Variants in DGKB observed in about 807,000 individuals in gnomAD.
DGKB encodes 90 kDa diacylglycerol kinase.
In DGKB, 67 loss-of-function variants were observed where a neutral mutation model predicts 114.3. The ratio of observed to expected loss-of-function variants is 0.59; its 90% CI spans 0.48 to 0.72. The LOEUF is 0.72. Ranked by LOEUF, DGKB falls within the 30% of genes least tolerant of loss-of-function variation. The pLI is 0.00. For synonymous variants in DGKB, 398 were observed against 323.1 expected, an observed-to-expected ratio of 1.23 and a Z score of -2.49; for missense variants, 907 against 975.2, an observed-to-expected ratio of 0.93 and a Z score of 0.93.
At chr7:14,324,446 CA>C (rs5882440) in intron 23 of DGKB, among the ~76,000 whole-genome samples, 55 of 118,628 alleles carry the variant, frequency 4.6e-4, no homozygotes, top group East Asian at 1.2e-3. Flanking sequence ...GACTCTGTCT[CA>C]AAAAAAAAAA....
chr7:14,287,453 T>G (rs1387379470), intron 23 of DGKB, among the ~76,000 whole-genome samples: 2 of 152,164 alleles, frequency 1.3e-5, no homozygotes, highest in African/African-American at 4.8e-5. Flanking sequence ...TTCTAAATGA[T>G]TTTCATCATG....
At chr7:14,866,184 C>T (rs939339480) in intron 1 of DGKB, among the ~76,000 whole-genome samples, 29 of 152,232 alleles carry the variant, frequency 1.9e-4, no homozygotes, top group African/African-American at 7.0e-4. Context: ...TGCCCATATA[C>T]ATCCCTAGCT....
At chr7:14,915,749 A>C (rs1413351333) in intron 1 of DGKB, among the ~76,000 whole-genome samples, 1 of 152,150 alleles carries the variant, frequency 6.6e-6, no homozygotes, top group Non-Finnish European at 1.5e-5. Flanking sequence ...GAAGAAATAA[A>C]GACTGTCTCA....
intron 19 of DGKB, among the ~76,000 whole-genome samples, chr7:14,575,382 T>C (rs771669402): frequency 2.9e-4 from 44 of 152,304 alleles, no homozygotes; most frequent in Admixed American, 1.4e-3. Flanking sequence ...ACGGTCAACA[T>C]GACCTGAAAA....
chr7:14,960,953 G>C (rs1342026683), intron 1 of DGKB, among the ~76,000 whole-genome samples: 2 of 152,008 alleles, frequency 1.3e-5, no homozygotes, highest in Non-Finnish European at 2.9e-5. Flanking sequence ...AAACATCAGA[G>C]AACATGACAT....
At chr7:14,513,262 T>C (rs2128547141) in intron 20 of DGKB, among the ~76,000 whole-genome samples, 1 of 152,202 alleles carries the variant, frequency 6.6e-6, no homozygotes, top group East Asian at 1.9e-4. Context: ...TCAGGTGTAT[T>C]ACATATAATT....
At chr7:14,804,681 T>C (rs994694057) in intron 2 of DGKB, among the ~76,000 whole-genome samples, 7 of 152,116 alleles carry the variant, frequency 4.6e-5, no homozygotes, top group African/African-American at 1.7e-4. Flanking sequence ...TGTTGGTATC[T>C]GTTAACTGTT....
chr7:14,896,760 A>G (rs1029808798), intron 1 of DGKB, among the ~76,000 whole-genome samples: 1 of 151,826 alleles, frequency 6.6e-6, no homozygotes, highest in African/African-American at 2.4e-5. Context: ...AATAGTAAGG[A>G]TTTTACATCC....
intron 17 of DGKB, among the ~76,000 whole-genome samples, chr7:14,593,230 G>A (rs1186377010): frequency 6.6e-6 from 1 of 151,934 alleles, no homozygotes; most frequent in African/African-American, 2.4e-5. Context: ...CAGAGAAAGG[G>A]AAAAACACAG....
chr7:14,628,429 T>C (rs1012096021), intron 14 of DGKB, among the ~76,000 whole-genome samples: 1 of 152,092 alleles, frequency 6.6e-6, no homozygotes, highest in Non-Finnish European at 1.5e-5. Flanking sequence ...TCTTCACAGA[T>C]GTTCTTGAGT....
intron 23 of DGKB, among the ~76,000 whole-genome samples, chr7:14,292,880 C>T (rs953338313): frequency 3.9e-5 from 6 of 152,148 alleles, no homozygotes; most frequent in African/African-American, 1.4e-4. Context: ...TTGACCACTA[C>T]CTGTTTCATA....
chr7:14,922,367 G>T (rs1784545064), intron 1 of DGKB, among the ~76,000 whole-genome samples: 2 of 131,976 alleles, frequency 1.5e-5, no homozygotes, highest in Admixed American at 1.6e-4. Context: ...ATATATATGT[G>T]TATCCATCGT....
At chr7:14,242,710 G>A (rs548260289) in intron 23 of DGKB, among the ~76,000 whole-genome samples, 1 of 152,178 alleles carries the variant, frequency 6.6e-6, no homozygotes, top group African/African-American at 2.4e-5. Flanking sequence ...TTTAATTGGT[G>A]TCCTCAGAGC....
At chr7:14,926,384 T>G (rs190782384) in intron 1 of DGKB, among the ~76,000 whole-genome samples, 1 of 152,114 alleles carries the variant, frequency 6.6e-6, no homozygotes, top group Admixed American at 6.5e-5. Context: ...GATTGAATAT[T>G]CGAATGTTTC....
intron 17 of DGKB, among the ~76,000 whole-genome samples, chr7:14,596,831 A>G (rs1454346831): frequency 1.3e-5 from 2 of 152,200 alleles, no homozygotes; most frequent in South Asian, 4.1e-4. Flanking sequence ...TTGCCTCTCT[A>G]TGCATTACTA....
At chr7:14,578,893 C>G (rs963891538) in intron 19 of DGKB, among the ~76,000 whole-genome samples, 1 of 152,196 alleles carries the variant, frequency 6.6e-6, no homozygotes. Flanking sequence ...CCTGCATTAT[C>G]TGGCTCCCAA....
chr7:14,347,434 C>T (rs1406733598), intron 21 of DGKB, among the ~76,000 whole-genome samples: 2 of 151,994 alleles, frequency 1.3e-5, no homozygotes, highest in Admixed American at 6.6e-5. Flanking sequence ...AGCAATCTCT[C>T]TTCTGTATAT....
In DGKB at chr7:14,726,422, C is replaced by T. The variant is rs1044804701; in HGVS notation, c.323-7737G>A. On this transcript the variant is annotated intron_variant, in intron 5 of 25. Coordinates refer to ENST00000402815, the MANE Select transcript of DGKB (RefSeq NM_001350709.2). ...TGCTGGGATTACAGACGTGAGCCAC[C>T]GTGCCCGGCCAGAATCGGAGTTTTA... Among the ~76,000 whole-genome samples, 126 of 152,100 alleles carry T rather than the reference C, an allele frequency of 8.3e-4. 2 individuals are homozygous for T. Among genetic ancestry groups the T allele is most frequent in the Non-Finnish European group, 2.2e-4 (15 of 68,024 alleles).
Position 14,179,149 on chromosome 7 carries a change from C to T in DGKB, c.2123-998G>A, listed in dbSNP as rs556205854. On this transcript the variant is annotated intron_variant, in intron 23 of 25. Transcript: ENST00000402815. ...TAACATAAAGGTGGAGGTTGGACTG[C>T]GTGAGCTTCAAGGTTCCTTTCCAAT... Among the ~76,000 whole-genome samples the T allele has an allele frequency of 1.5e-3, 231 of 152,274 alleles. 3 individuals carry two copies. Among genetic ancestry groups the T allele is most frequent in the South Asian group, 0.014 (66 of 4,820 alleles).
Sources: gnomAD v4.1 joint callset for allele counts (sites outside exome capture counted in the v4.1 genomes callset) on GRCh38, gnomAD v4.1.1 for gene constraint, MANE v1.5 for transcripts, NCBI Gene and HGNC (gene_info 2026-07-23, HGNC 2026-07-21) for gene names.